The following DOT1L variants were observed in gnomAD, a reference collection of about 807,000 sequenced individuals.
The protein encoded by DOT1L is histone-lysine N-methyltransferase, H3 lysine-79 specific.
A neutral mutation model predicts 153.3 loss-of-function variants in DOT1L; 33 were observed. That is an observed-to-expected ratio of 0.22 (90% CI 0.16 to 0.29). The LOEUF (loss-of-function observed/expected upper bound fraction) is 0.29, where lower values mean the gene tolerates loss of function less well. Among genes scored for constraint, DOT1L ranks in the 10% least tolerant of loss-of-function variants. The probability of loss-of-function intolerance (pLI) is 1.00; values close to 1 mark genes in which losing one functional copy is unlikely to be tolerated. For synonymous variants in DOT1L, 1,135 were observed against 965.1 expected (o/e 1.18, Z -3.26); for missense variants, 1,847 against 2,119.9 (o/e 0.87, Z 2.53).
chr19:2,216,510 C>G lies in DOT1L; in HGVS notation c.2153C>G (p.Ala718Gly), dbSNP rs2023906718. ...GAGCTCTCCATGAACGGCCAGGCTGCTGGCTATGAGCTCTGCGGTGTGCTG... is the reference window on the plus strand; with the variant it reads ...GAGCTCTCCATGAACGGCCAGGCTGGTGGCTATGAGCTCTGCGGTGTGCTG... ...SPELSMNGQA[A>G]GYELCGVLSR... The change falls in exon 20 of 28, where the codon GCT becomes GGT. Residue 718 changes from alanine (A) to glycine (G), a missense_variant. Coordinates refer to ENST00000398665, the MANE Select transcript of DOT1L (RefSeq NM_032482.3). 6.2e-7 allele frequency: 1 copy of G among 1,612,424 alleles called. No homozygotes were observed. The highest frequency in any genetic ancestry group is 1.3e-5 in the African/African-American group (1 of 75,066).
At position 2,216,636 on chromosome 19, in the gene DOT1L, T is replaced by G. The variant is rs1310899183; in HGVS notation, c.2279T>G (p.Leu760Arg). ...CCTAGCCACGTCGGCCGGCCGCGCC[T>G]GGAGAAGCTGTCTGGCCTAGCCGCA... is the stretch of plus-strand genomic sequence containing the variant. ...CTPSHVGRPR[L>R]EKLSGLAAPD... The change falls in exon 20 of 28, where the codon CTG (leucine) becomes CGG (arginine). Residue 760 changes from leucine to arginine, a missense_variant. Physicochemically the swap from Leu to Arg is moderately radical, Grantham distance 102. Coordinates refer to ENST00000398665, the MANE Select transcript of DOT1L (RefSeq NM_032482.3). The G allele has an allele frequency of 2.5e-6, 4 of 1,605,716 alleles. No individual in the cohort carries two copies. In the African/African-American group the frequency reaches 5.3e-5, roughly 21 times the overall value.
rs2024587966 is a variant in DOT1L at position 2,231,309 on chromosome 19, C to G, written c.*1517C>G. 4.6e-6 allele frequency: 1 copy of G among 218,946 alleles called. No individual in the cohort carries two copies. Among genetic ancestry groups the G allele is most frequent in the African/African-American group, 2.2e-5 (1 of 44,494 alleles). 13.6% of individuals were successfully genotyped at this position (218,946 alleles called of 1,614,324 possible). Reference sequence around the variant, plus strand: ...CCCCAAGGTGCCACAGATCCACCCTCCAGGGAGCTGCCAGCCCTGTGTTCT... The same window carrying G: ...CCCCAAGGTGCCACAGATCCACCCTGCAGGGAGCTGCCAGCCCTGTGTTCT... On this transcript the variant is annotated 3_prime_UTR_variant, in exon 28 of 28. Transcript: ENST00000398665.
At chr19:2,178,359 T>C (rs1302278151) in intron 1 of DOT1L, among the ~76,000 whole-genome samples, 3 of 142,850 alleles carry the variant, frequency 2.1e-5, no homozygotes, top group Non-Finnish European at 4.5e-5. Flanking sequence ...TGAAACCTTG[T>C]CTCTACCAGA....
intron 1 of DOT1L, among the ~76,000 whole-genome samples, chr19:2,172,410 C>G (rs1013793443): frequency 6.6e-6 from 1 of 151,672 alleles, no homozygotes; most frequent in African/African-American, 2.4e-5. Flanking sequence ...AGGATGGTCT[C>G]GATCTCCTGA....
At position 2,193,792 on chromosome 19, in the gene DOT1L, A is replaced by T. The variant is rs1416469113; in HGVS notation, c.588+9A>T. The T allele has an allele frequency of 6.2e-7, 1 of 1,612,778 alleles. No individual in the cohort carries two copies. Among genetic ancestry groups the T allele is most frequent in the Non-Finnish European group, 8.5e-7 (1 of 1,179,282 alleles). ...CGGCCAAGTATGCGGAGGTGAGCGGATCTGAGGGCCAGGGTGTGTTGGAGG... is the reference window on the plus strand; with the variant it reads ...CGGCCAAGTATGCGGAGGTGAGCGGTTCTGAGGGCCAGGGTGTGTTGGAGG... On this transcript the variant is annotated intron_variant, in intron 6 of 27. Coordinates refer to ENST00000398665, the MANE Select transcript of DOT1L (RefSeq NM_032482.3). This position sits in a 1 kb window ranked among gnomAD's most constrained non-coding sequence, Gnocchi z 5.9.
intron 22 of DOT1L, among the ~76,000 whole-genome samples, chr19:2,218,441 T>A (rs988696639): frequency 1.3e-5 from 2 of 152,254 alleles, no homozygotes; most frequent in Non-Finnish European, 2.9e-5. Context: ...TCGCCCAGGC[T>A]GGAGTGCAGT....
chr19:2,210,185 T>C (rs1482371708), intron 12 of DOT1L, among the ~76,000 whole-genome samples: 3 of 152,256 alleles, frequency 2.0e-5, no homozygotes, highest in Non-Finnish European at 4.4e-5. Context: ...GTGAATGCCG[T>C]TATCCGTGCC....
rs760394488 is a variant in DOT1L at position 2,222,531 on chromosome 19, C to T, written c.3362C>T (p.Ser1121Leu). 3.8e-6 allele frequency: 6 copies of T among 1,559,644 alleles called. No homozygotes were observed. In the Admixed American group the frequency reaches 5.3e-5, roughly 14 times the overall value. Residue 1121 changes from serine to leucine, a missense_variant, in exon 24 of 28, where the codon TCG (serine) becomes TTG (leucine). By Grantham distance (145) the Ser-to-Leu change is moderately radical. This residue lies in a region of DOT1L where 934 missense variants were observed against 825.3 expected (regional missense o/e 1.13). Transcript: ENST00000398665. This position sits in a 1 kb window ranked among gnomAD's most constrained non-coding sequence, Gnocchi z 6.5. Reference protein sequence around the residue: ...PSVAGLFTQPSGSPLNLNSMV... With the variant: ...PSVAGLFTQPLGSPLNLNSMV... Reference sequence around the variant, plus strand: ...GTCGCTGGCCTTTTCACACAGCCTTCGGGGTCTCCCCTCAACCTCAACTCC... The same window carrying T: ...GTCGCTGGCCTTTTCACACAGCCTTTGGGGTCTCCCCTCAACCTCAACTCC...
Position 2,193,854 on chromosome 19 carries a change from T to G in DOT1L, c.588+71T>G. 9.7e-6 allele frequency: 14 copies of G among 1,442,978 alleles called. No homozygotes were observed. Among genetic ancestry groups the G allele is most frequent in the African/African-American group, 1.4e-5 (1 of 71,920 alleles). The allele number at this position is 1,442,978 out of a possible 1,614,324, so 89.4% of individuals were successfully genotyped here. On this transcript the variant is annotated intron_variant, in intron 6 of 27. Transcript: ENST00000398665. This position sits in a 1 kb window ranked among gnomAD's most constrained non-coding sequence, Gnocchi z 5.9. ...CAGAGAAAGTGACGCCCTGGGTGCCTGCACCCCACTGCTGTGGGACTTCCG... is the reference window on the plus strand; with the variant it reads ...CAGAGAAAGTGACGCCCTGGGTGCCGGCACCCCACTGCTGTGGGACTTCCG...
At chr19:2,227,852 C>T (rs554897009) in intron 27 of DOT1L, 2 of 1,286,634 alleles carry the variant, frequency 1.6e-6, no homozygotes, top group Non-Finnish European at 2.0e-6. Context: ...AGGCGGCGGC[C>T]AGCGCCTCGG....
At chr19:2,175,245 C>T (rs189722797) in intron 1 of DOT1L, among the ~76,000 whole-genome samples, 30 of 152,222 alleles carry the variant, frequency 2.0e-4, no homozygotes, top group South Asian at 4.1e-4. Context: ...TGATCCTGCC[C>T]GCCTTGGCCT....
intron 22 of DOT1L, among the ~76,000 whole-genome samples, chr19:2,218,598 T>A (rs1204258457): frequency 6.6e-6 from 1 of 152,008 alleles, no homozygotes; most frequent in Non-Finnish European, 1.5e-5. Context: ...TTTCACCGTG[T>A]TAGCCAGGAT....
At chr19:2,169,056 C>T (rs757549591) in intron 1 of DOT1L, among the ~76,000 whole-genome samples, 15 of 152,132 alleles carry the variant, frequency 9.9e-5, no homozygotes, top group Non-Finnish European at 1.8e-4. Flanking sequence ...AGGCTGTGGG[C>T]GGGCAGGGGC....
chr19:2,170,603 C>T (rs574732698), intron 1 of DOT1L, among the ~76,000 whole-genome samples: 37 of 152,250 alleles, frequency 2.4e-4, no homozygotes, highest in African/African-American at 8.9e-4. Context: ...AGGGCTCAGT[C>T]CCCAAGACTC....
chr19:2,225,849 G>A (rs1182729836), intron 26 of DOT1L, among the ~76,000 whole-genome samples: 1 of 152,118 alleles, frequency 6.6e-6, no homozygotes, highest in Non-Finnish European at 1.5e-5. Context: ...CCTCCCGCAG[G>A]CTGCTGACCT....
intron 27 of DOT1L, 171 bp from the exon 28 acceptor site, chr19:2,229,605 TCACGGGGCA>T: frequency 6.1e-6 from 6 of 985,444 alleles, no homozygotes; most frequent in Non-Finnish European, 7.2e-6. Flanking sequence ...CCCTGGTCTG[TCACGGGGCA>T]CGCCCGTCGT....
chr19:2,191,281 G>C lies in DOT1L; in HGVS notation c.493+41G>C, dbSNP rs2022781973. 1 of 1,595,296 alleles carries C rather than the reference G, an allele frequency of 6.3e-7. No individual in the cohort carries two copies. Among genetic ancestry groups the C allele is most frequent in the African/African-American group, 1.3e-5 (1 of 74,540 alleles). ...CATGCCCGGCTCCTGTGCACTTCCA[G>C]GCCACACGCTCTGTGCCTGCCCCAT... is the stretch of plus-strand genomic sequence containing the variant. On this transcript the variant is annotated intron_variant, in intron 5 of 27. Transcript: ENST00000398665. The surrounding 1 kb of genome is among the most constrained non-coding windows in gnomAD (Gnocchi z 6.8).
rs1338348002 is a variant in DOT1L at position 2,197,651 on chromosome 19, T to C, written c.652-2233T>C. Among the ~76,000 whole-genome samples, 1 of 152,188 alleles carries C rather than the reference T, an allele frequency of 6.6e-6. No homozygotes were observed. Among genetic ancestry groups the C allele is most frequent in the Non-Finnish European group, 1.5e-5 (1 of 68,026 alleles). On this transcript the variant is annotated intron_variant, in intron 7 of 27. Transcript: ENST00000398665. This position sits in a 1 kb window ranked among gnomAD's most constrained non-coding sequence, Gnocchi z 4.1. ...AGCTGCGTTCGTGGTCTGGATTCCG[T>C]GCAGGTTTAGGTGCTCACGGTCAGG... is the stretch of plus-strand genomic sequence containing the variant.
chr19:2,220,524 C>G lies in DOT1L; in HGVS notation c.2806+302C>G, dbSNP rs868482835. 1 of 518,266 alleles carries G rather than the reference C, an allele frequency of 1.9e-6. No individual in the cohort carries two copies. Among genetic ancestry groups the G allele is most frequent in the South Asian group, 1.5e-5 (1 of 65,112 alleles). 32.1% of individuals were successfully genotyped at this position (518,266 alleles called of 1,614,324 possible). ...CAGTGCTCTCGGGGGCTCCTGTACT[C>G]ACAGCTGGGAGGCCCCTGACTCAGG... is the stretch of plus-strand genomic sequence containing the variant. On this transcript the variant is annotated intron_variant, in intron 23 of 27. Coordinates refer to ENST00000398665, the MANE Select transcript of DOT1L (RefSeq NM_032482.3). This position sits in a 1 kb window ranked among gnomAD's most constrained non-coding sequence, Gnocchi z 4.5.
Sources: allele counts gnomAD v4.1 joint callset (sites outside exome capture counted in the v4.1 genomes callset), GRCh38; gene constraint gnomAD v4.1.1; regional missense constraint gnomAD v4.1.1; non-coding constraint Gnocchi (gnomAD v3.1); transcripts MANE v1.5; gene names NCBI Gene and HGNC (gene_info 2026-07-23, HGNC 2026-07-21).